Variants in STK35 observed in about 807,000 individuals in gnomAD.
STK35 encodes serine/threonine kinase 35, also known as serine/threonine-protein kinase 35.
A neutral mutation model predicts 37.3 loss-of-function variants in STK35; 17 were observed. That is an observed-to-expected ratio of 0.46 (90% CI 0.31 to 0.68). The LOEUF is 0.68. Among genes scored for constraint, STK35 ranks in the 30% least tolerant of loss-of-function variants. The pLI, the probability that STK35 is intolerant of heterozygous loss-of-function variation, is 0.05. For missense variants in STK35, 595 were observed against 746.7 expected, an observed-to-expected ratio of 0.80 and a Z score of 2.37; for synonymous variants, 385 against 319.1, an observed-to-expected ratio of 1.21 and a Z score of -2.20.
At chr20:2,134,935 C>G (rs775664426) in intron 3 of STK35, among the ~76,000 whole-genome samples, 2 of 152,118 alleles carry the variant, frequency 1.3e-5, no homozygotes, top group African/African-American at 2.4e-5. Flanking sequence ...CATTAAACTT[C>G]CCAGCCCTAA....
intron 3 of STK35, among the ~76,000 whole-genome samples, chr20:2,141,057 G>A (rs1986164391): frequency 6.6e-6 from 1 of 152,224 alleles, no homozygotes; most frequent in Admixed American, 6.5e-5. Context: ...ACATGTGGCT[G>A]TATAATTTCT....
chr20:2,130,285 C>T (rs2122573491), intron 3 of STK35, among the ~76,000 whole-genome samples: 1 of 152,252 alleles, frequency 6.6e-6, no homozygotes, highest in Middle Eastern at 3.4e-3. Context: ...TTGCTGCGAA[C>T]AAAGAGCACC....
In STK35 at chr20:2,145,262, C is replaced by T. The variant is rs1037502938; in HGVS notation, c.*1516C>T. The T allele has an allele frequency of 6.6e-6, 1 of 152,282 alleles. No homozygotes were observed. Among genetic ancestry groups the T allele is most frequent in the Non-Finnish European group, 1.5e-5 (1 of 68,108 alleles). 9.4% of individuals were successfully genotyped at this position (152,282 alleles called of 1,614,324 possible). ...TCTGTCTGGACGCGCCTGGCCACTCCGAAGGCTTTTCACCCCATTATGGCC... is the reference window on the plus strand; with the variant it reads ...TCTGTCTGGACGCGCCTGGCCACTCTGAAGGCTTTTCACCCCATTATGGCC... On this transcript the variant is annotated 3_prime_UTR_variant, in exon 4 of 4. Coordinates refer to ENST00000381482, the MANE Select transcript of STK35 (RefSeq NM_080836.4).
chr20:2,145,071 C>T lies in STK35; in HGVS notation c.*1325C>T, dbSNP rs1188452797. The T allele has an allele frequency of 6.6e-6, 1 of 152,464 alleles. No individual in the cohort carries two copies. Among genetic ancestry groups the T allele is most frequent in the African/African-American group, 2.4e-5 (1 of 41,446 alleles). The allele number at this position is 152,464 out of a possible 1,614,324, so 9.4% of individuals were successfully genotyped here. On this transcript the variant is annotated 3_prime_UTR_variant, in exon 4 of 4. Transcript: ENST00000381482. ...CTCGCCACCTTCAGGCTTCCCCAGC[C>T]ATGACACTTCAGCCCCGCCACCCAT... is the stretch of plus-strand genomic sequence containing the variant.
chr20:2,124,681 G>C lies in STK35; in HGVS notation c.*37+7266G>C, dbSNP rs552336942. ...GCTTCACAAGAGGTGGGGGTTATGAGTGAAGAGTCAGAGTGTTTGGTTCTC... is the reference window on the plus strand; with the variant it reads ...GCTTCACAAGAGGTGGGGGTTATGACTGAAGAGTCAGAGTGTTTGGTTCTC... On this transcript the variant is annotated intron_variant, in intron 3 of 3. Transcript: ENST00000381482. 1.5e-4 allele frequency among the ~76,000 whole-genome samples: 23 copies of C among 152,288 alleles called. 1 individual carries two copies. Among genetic ancestry groups the C allele is most frequent in the African/African-American group, 5.5e-4 (23 of 41,562 alleles).
intron 2 of STK35, among the ~76,000 whole-genome samples, chr20:2,109,590 C>T (rs1047939756): frequency 2.6e-5 from 4 of 152,226 alleles, no homozygotes; most frequent in Admixed American, 1.3e-4. Flanking sequence ...GGTTTACATC[C>T]AGATGCTCTT....
At chr20:2,134,915 C>T (rs1255616405) in intron 3 of STK35, among the ~76,000 whole-genome samples, 1 of 152,062 alleles carries the variant, frequency 6.6e-6, no homozygotes, top group East Asian at 1.9e-4. Flanking sequence ...AAAAAAATGC[C>T]TGGGATATGC....
chr20:2,112,031 G>T (rs1333397599), intron 2 of STK35, among the ~76,000 whole-genome samples: 1 of 152,190 alleles, frequency 6.6e-6, no homozygotes, highest in Non-Finnish European at 1.5e-5. Context: ...AGAAGCCTAT[G>T]TAAGGGCAGG....
chr20:2,144,364 A>G lies in STK35; in HGVS notation c.*618A>G. The G allele has an allele frequency of 6.1e-6, 1 of 164,378 alleles. No homozygotes were observed. Among genetic ancestry groups the G allele is most frequent in the Non-Finnish European group, 1.3e-5 (1 of 75,504 alleles). 10.2% of individuals were successfully genotyped at this position (164,378 alleles called of 1,614,324 possible). ...TAGCCCTTGGGCCTCGGAGATGATC[A>G]GAGGTGAAGAACCGCCTGGAAGAGG... On this transcript the variant is annotated 3_prime_UTR_variant, in exon 4 of 4. Coordinates refer to ENST00000381482, the MANE Select transcript of STK35 (RefSeq NM_080836.4).
At chr20:2,121,803 C>T (rs779560937) in intron 3 of STK35, among the ~76,000 whole-genome samples, 1 of 152,062 alleles carries the variant, frequency 6.6e-6, no homozygotes, top group Non-Finnish European at 1.5e-5. Flanking sequence ...AGGACTTGAT[C>T]ATTGGATTTA....
intron 3 of STK35, among the ~76,000 whole-genome samples, chr20:2,130,298 C>T (rs894361785): frequency 3.3e-5 from 5 of 152,176 alleles, no homozygotes; most frequent in African/African-American, 1.2e-4. Context: ...AGAGCACCTT[C>T]ACAGGCACAG....
chr20:2,114,009 A>C (rs751003092), intron 2 of STK35, among the ~76,000 whole-genome samples: 1 of 151,868 alleles, frequency 6.6e-6, no homozygotes, highest in Non-Finnish European at 1.5e-5. Context: ...CTGAACCCAA[A>C]CTCTTTGTTT....
intron 3 of STK35, among the ~76,000 whole-genome samples, chr20:2,136,967 TA>T (rs756095595): frequency 6.6e-6 from 1 of 151,956 alleles, no homozygotes; most frequent in Non-Finnish European, 1.5e-5. Flanking sequence ...GAGTGACAGA[TA>T]GGGGGTGGGA....
intron 3 of STK35, among the ~76,000 whole-genome samples, chr20:2,142,053 C>G (rs764964805): frequency 2.0e-5 from 3 of 152,204 alleles, no homozygotes; most frequent in South Asian, 2.1e-4. Context: ...CTTCCAGAAG[C>G]CTTATCCCCT....
chr20:2,105,791 T>C (rs984387120), intron 2 of STK35, among the ~76,000 whole-genome samples: 1 of 152,236 alleles, frequency 6.6e-6, no homozygotes, highest in African/African-American at 2.4e-5. Flanking sequence ...TTTCCCAAAC[T>C]TGTTTCATCA....
Position 2,144,258 on chromosome 20 carries a change from T to A in STK35, c.*512T>A. 1 of 242,364 alleles carries A rather than the reference T, an allele frequency of 4.1e-6. No individual in the cohort carries two copies. Among genetic ancestry groups the A allele is most frequent in the Non-Finnish European group, 8.0e-6 (1 of 124,666 alleles). The allele number at this position is 242,364 out of a possible 1,614,324, so 15.0% of individuals were successfully genotyped here. The stretch of plus-strand genomic sequence containing the variant: ...TGGGGGTTTCTTCTGGAACGGGGCG[T>A]GAGGACACAAGGAGGCCTCTGGGCC... On this transcript the variant is annotated 3_prime_UTR_variant, in exon 4 of 4. Coordinates refer to ENST00000381482, the MANE Select transcript of STK35 (RefSeq NM_080836.4).
At position 2,147,285 on chromosome 20, in the gene STK35, C is replaced by T. The variant is rs191770646; in HGVS notation, c.*3539C>T. 1 of 152,852 alleles carries T rather than the reference C, an allele frequency of 6.5e-6. No homozygotes were observed. The highest frequency in any genetic ancestry group is 6.5e-5 in the Admixed American group (1 of 15,290). The allele number at this position is 152,852 out of a possible 1,614,324, so 9.5% of individuals were successfully genotyped here. A position where few individuals can be genotyped will look rare whatever the true frequency, so the allele number is the denominator to read the frequency against. On this transcript the variant is annotated 3_prime_UTR_variant, in exon 4 of 4. Transcript: ENST00000381482. Reference sequence around the variant, plus strand: ...CCTCGCCCTGCACATTCCCCACCTCCACATTCCCCTCCTCCAAGATCTCAG... The same window carrying T: ...CCTCGCCCTGCACATTCCCCACCTCTACATTCCCCTCCTCCAAGATCTCAG...
In STK35 at chr20:2,131,698, T is replaced by C. The variant is rs1048023205; in HGVS notation, c.*38-12086T>C. 9.2e-5 allele frequency among the ~76,000 whole-genome samples: 14 copies of C among 152,158 alleles called. 1 individual carries two copies. Among genetic ancestry groups the C allele is most frequent in the Non-Finnish European group, 1.5e-4 (10 of 68,044 alleles). ...CTAAACTTAAAATTTTTAAAAAATTTCTTGATTCATTAACATTTAGCGTAA... is the reference window on the plus strand; with the variant it reads ...CTAAACTTAAAATTTTTAAAAAATTCCTTGATTCATTAACATTTAGCGTAA... On this transcript the variant is annotated intron_variant, in intron 3 of 3. Transcript: ENST00000381482.
In STK35 at chr20:2,117,248, A is replaced by G; in HGVS notation, c.1475A>G (p.Gln492Arg). The change falls in exon 3 of 4, where the codon CAA (glutamine) becomes CGA (arginine). Residue 492 changes from glutamine (Q) to arginine (R), a missense_variant. Physicochemically the swap from Gln to Arg is conservative, Grantham distance 43. Around this residue, in one of 3 missense-constraint regions of STK35, gnomAD observed 109 missense variants for 280.3 expected, o/e 0.39. Transcript: ENST00000381482. This position sits in a 1 kb window ranked among gnomAD's most constrained non-coding sequence, Gnocchi z 4.4. ...ENPKMELHIP[Q>R]KRRTSMSEGI... ...CCAAAGATGGAGTTGCACATCCCCC[A>G]AAAACGCAGGACTTCCATGTCTGAG... The G allele has an allele frequency of 3.7e-6, 6 of 1,614,186 alleles. No homozygotes were observed. Among genetic ancestry groups the G allele is most frequent in the Non-Finnish European group, 5.1e-6 (6 of 1,180,046 alleles).
Sources: allele counts gnomAD v4.1 joint callset (sites outside exome capture counted in the v4.1 genomes callset), GRCh38; gene constraint gnomAD v4.1.1; regional missense constraint gnomAD v4.1.1; non-coding constraint Gnocchi (gnomAD v3.1); transcripts MANE v1.5; gene names NCBI Gene and HGNC (gene_info 2026-07-23, HGNC 2026-07-21).